The following PCDHA5 variants were observed in gnomAD, a reference collection of about 807,000 sequenced individuals.
PCDHA5 encodes the protein protocadherin alpha 5.
PCDHA5 carries 43 observed loss-of-function variants against 61.6 expected under a neutral mutation model. That is an observed-to-expected ratio of 0.70 (90% CI 0.55 to 0.90). PCDHA5 has a LOEUF of 0.90. PCDHA5 is among the 40% of genes least tolerant of loss of function. The probability of loss-of-function intolerance (pLI) is 0.00; values close to 1 mark genes in which losing one functional copy is unlikely to be tolerated. For synonymous variants in PCDHA5, 627 were observed against 543.9 expected, an observed-to-expected ratio of 1.15 and a Z score of -2.13; for missense variants, 1,298 against 1,222.7, an observed-to-expected ratio of 1.06 and a Z score of -0.92.
Position 140,822,459 on chromosome 5 carries a change from G to A in PCDHA5, c.684G>A (p.Leu228=). The A allele has an allele frequency of 6.2e-7, 1 of 1,613,794 alleles. No individual in the cohort carries two copies. The highest frequency in any genetic ancestry group is 8.5e-7 in the Non-Finnish European group (1 of 1,179,862). Residue 228 remains leucine (L), a synonymous_variant, in exon 1 of 4, where the codon TTG becomes TTA. Coordinates refer to ENST00000529859, the MANE Select transcript of PCDHA5 (RefSeq NM_018908.3). ...AACTAACAGGTACAGTTCAGTTGTTGATCAATGTATTGGATGCTAATGATA... is the reference window on the plus strand; with the variant it reads ...AACTAACAGGTACAGTTCAGTTGTTAATCAATGTATTGGATGCTAATGATA... ...KPELTGTVQL[L]INVLDANDNA...
intron 1 of PCDHA5, chr5:140,968,878 T>A (rs1554231201): frequency 6.2e-7 from 1 of 1,614,244 alleles, no homozygotes; most frequent in South Asian, 1.1e-5. Flanking sequence ...ACTCTGAAAT[T>A]ACCCTTTATC....
At chr5:140,824,610 G>GTTGT (rs1768193318) in intron 1 of PCDHA5, 2 of 95,104 alleles carry the variant, frequency 2.1e-5, no homozygotes, top group African/African-American at 9.7e-5. Flanking sequence ...GCTAATTAAA[G>GTTGT]TTTTTTTTTT....
At chr5:140,914,166 G>A (rs183790385) in intron 1 of PCDHA5, among the ~76,000 whole-genome samples, 2 of 152,250 alleles carry the variant, frequency 1.3e-5, no homozygotes, top group African/African-American at 2.4e-5. Context: ...TACGGAAAGT[G>A]GGGTGTTGAA....
intron 1 of PCDHA5, chr5:140,968,969 A>G (rs1554231287): frequency 1.9e-6 from 3 of 1,614,230 alleles, no homozygotes; most frequent in Non-Finnish European, 2.5e-6. Context: ...CTACCGCTAC[A>G]CTGCGTATGG....
At chr5:140,994,325 A>G (rs879964488) in intron 3 of PCDHA5, among the ~76,000 whole-genome samples, 8 of 152,190 alleles carry the variant, frequency 5.3e-5, no homozygotes, top group African/African-American at 7.2e-5. Flanking sequence ...ACTCTCAGCA[A>G]CCATGAACAG....
intron 1 of PCDHA5, chr5:140,868,995 A>G (rs944875255): frequency 4.0e-6 from 6 of 1,516,046 alleles, no homozygotes; most frequent in Non-Finnish European, 5.3e-6. Context: ...CCACCGTTTA[A>G]GGATCCTTTG....
chr5:140,887,286 T>TG (rs1171397329), intron 1 of PCDHA5, among the ~76,000 whole-genome samples: 1 of 151,952 alleles, frequency 6.6e-6, no homozygotes, highest in Non-Finnish European at 1.5e-5. Context: ...TTAGTAGAGA[T>TG]GGGGTTTCAT....
At chr5:140,951,832 C>A (rs2094641157) in intron 1 of PCDHA5, among the ~76,000 whole-genome samples, 1 of 152,142 alleles carries the variant, frequency 6.6e-6, no homozygotes, top group East Asian at 1.9e-4. Context: ...CTCATTCCAG[C>A]ATTAAGCCAA....
intron 3 of PCDHA5, among the ~76,000 whole-genome samples, chr5:141,006,404 G>T (rs1001810745): frequency 6.6e-6 from 1 of 151,938 alleles, no homozygotes; most frequent in Admixed American, 6.6e-5. Flanking sequence ...TAGTAGAGAC[G>T]CGGTTTCACT....
At chr5:140,914,481 G>A (rs549926889) in intron 1 of PCDHA5, among the ~76,000 whole-genome samples, 3 of 152,120 alleles carry the variant, frequency 2.0e-5, no homozygotes, top group Non-Finnish European at 4.4e-5. Context: ...TAGGTGAAGT[G>A]TTTCTTGTGG....
chr5:140,892,250 T>G (rs781827855), intron 1 of PCDHA5, among the ~76,000 whole-genome samples: 2 of 152,182 alleles, frequency 1.3e-5, no homozygotes, highest in Non-Finnish European at 2.9e-5. Flanking sequence ...AACCTGGTTA[T>G]CTTTGATTTT....
At chr5:140,841,755 C>A (rs2150322270) in intron 1 of PCDHA5, 2 of 1,613,886 alleles carry the variant, frequency 1.2e-6, no homozygotes, top group South Asian at 2.2e-5. Context: ...GTTTCAGAAT[C>A]CAGAATGCCA....
At chr5:140,999,980 C>G (rs1386394350) in intron 3 of PCDHA5, among the ~76,000 whole-genome samples, 1 of 152,076 alleles carries the variant, frequency 6.6e-6, no homozygotes, top group East Asian at 1.9e-4. Flanking sequence ...GCTCTAGCGG[C>G]CTCTGGGTAG....
chr5:140,851,042 C>A lies in PCDHA5; in HGVS notation c.2352+26915C>A, dbSNP rs2150268615. ...TAAAGTAAACCCCTTAACATTGGAG[C>A]CGACTTTGTCTTGACTTCTAGTGAG... On this transcript the variant is annotated intron_variant, in intron 1 of 3. Coordinates refer to ENST00000529859, the MANE Select transcript of PCDHA5 (RefSeq NM_018908.3). The A allele has an allele frequency of 2.2e-6, 3 of 1,392,218 alleles. No individual in the cohort carries two copies. The East Asian group carries it at 7.5e-5, about 35-fold the overall frequency. The allele number at this position is 1,392,218 out of a possible 1,614,324, so 86.2% of individuals were successfully genotyped here.
At chr5:140,956,363 A>G (rs938643620) in intron 1 of PCDHA5, among the ~76,000 whole-genome samples, 2 of 152,026 alleles carry the variant, frequency 1.3e-5, no homozygotes, top group African/African-American at 4.8e-5. Context: ...ACATGAAGGG[A>G]TGTTGAATTT....
intron 1 of PCDHA5, chr5:140,842,613 G>C (rs782736515): frequency 1.9e-6 from 3 of 1,595,698 alleles, no homozygotes; most frequent in Non-Finnish European, 2.6e-6. Flanking sequence ...CGGGACGGGG[G>C]CTCGCCTTCG....
intron 1 of PCDHA5, among the ~76,000 whole-genome samples, chr5:140,941,599 G>A (rs1017713166): frequency 3.3e-5 from 5 of 152,116 alleles, no homozygotes; most frequent in African/African-American, 1.2e-4. Flanking sequence ...ACAGCCATGA[G>A]CCATGGTGCC....
intron 1 of PCDHA5, among the ~76,000 whole-genome samples, chr5:140,934,476 AATTAT>A (rs2089852464): frequency 6.6e-6 from 1 of 152,124 alleles, no homozygotes. Flanking sequence ...TTATTTTGAA[AATTAT>A]ATTCACCTCA....
chr5:140,875,668 G>A lies in PCDHA5; in HGVS notation c.2352+51541G>A, dbSNP rs1554167843. On this transcript the variant is annotated intron_variant, in intron 1 of 3. Transcript: ENST00000529859. ...GGAGCTGGTGCCGCGCCTGTTCCGG[G>A]TGGCGTCCAAAAGACACGGGGACCT... 4.3e-6 allele frequency: 7 copies of A among 1,613,726 alleles called. No homozygotes were observed. The highest frequency in any genetic ancestry group is 3.3e-5 in the South Asian group (3 of 91,074).
Sources: gnomAD v4.1 joint callset for allele counts (sites outside exome capture counted in the v4.1 genomes callset) on GRCh38, gnomAD v4.1.1 for gene constraint, MANE v1.5 for transcripts, NCBI Gene and HGNC (gene_info 2026-07-23, HGNC 2026-07-21) for gene names.